Variants in ZNF823 observed in about 807,000 individuals in gnomAD.
ZNF823 encodes the protein ZFP 36 for a zinc finger protein.
ZNF823 carries 5 observed loss-of-function variants against 11.4 expected under a neutral mutation model. That is an observed-to-expected ratio of 0.44 (90% CI 0.23 to 0.92). ZNF823 has a LOEUF of 0.92. Among genes scored for constraint, ZNF823 ranks in the 40% least tolerant of loss-of-function variants. The probability of loss-of-function intolerance (pLI) is 0.24; values close to 1 mark genes in which losing one functional copy is unlikely to be tolerated. For synonymous variants in ZNF823, 234 were observed against 250.5 expected (o/e 0.93, Z 0.62); for missense variants, 582 against 738.5 (o/e 0.79, Z 2.46).
chr19:11,729,179 AAAAAAAAAACAACAAAT>A (rs1297361222), intron 1 of ZNF823, among the ~76,000 whole-genome samples: 1 of 151,990 alleles, frequency 6.6e-6, no homozygotes, highest in Admixed American at 6.6e-5. Flanking sequence ...TGTCTCAAAA[AAAAAAAAAACAACAAAT>A]AAAACAAGGC....
chr19:11,734,829 C>T (rs900492620), intron 1 of ZNF823, among the ~76,000 whole-genome samples: 3 of 152,080 alleles, frequency 2.0e-5, no homozygotes, highest in Non-Finnish European at 2.9e-5. Context: ...GTGAGCCATG[C>T]GCCCATCCAC....
Position 11,722,285 on chromosome 19 carries a change from G to C in ZNF823, c.1249C>G (p.Gln417Glu), listed in dbSNP as rs368892172. The C allele has an allele frequency of 1.2e-6, 2 of 1,612,712 alleles. No individual in the cohort carries two copies. Among genetic ancestry groups the C allele is most frequent in the South Asian group, 1.1e-5 (1 of 90,970 alleles). Residue 417 changes from glutamine to glutamate, a missense_variant, in exon 4 of 4, where the codon CAA (glutamine) becomes GAA (glutamate). Coordinates refer to ENST00000341191, the MANE Select transcript of ZNF823 (RefSeq NM_001080493.4). This position sits in a 1 kb window ranked among gnomAD's most constrained non-coding sequence, Gnocchi z 5.2. ...AAGGCTTTACCACATTGTTTACATTGATAGGGTTTCTCTCCAGTGTGAGTC... is the reference window on the plus strand; with the variant it reads ...AAGGCTTTACCACATTGTTTACATTCATAGGGTTTCTCTCCAGTGTGAGTC... ...ERTHTGEKPY[Q>E]CKQCGKAFSL... is the part of the protein sequence containing the mutation.
intron 1 of ZNF823, among the ~76,000 whole-genome samples, chr19:11,726,641 C>T (rs192376872): frequency 6.6e-6 from 1 of 152,282 alleles, no homozygotes; most frequent in East Asian, 1.9e-4. Context: ...CACCTAGGGA[C>T]TCTGCAGAGT....
At chr19:11,723,772 C>T (rs548711204) in intron 3 of ZNF823, among the ~76,000 whole-genome samples, 4 of 152,198 alleles carry the variant, frequency 2.6e-5, no homozygotes, top group Admixed American at 1.3e-4. Flanking sequence ...CTTGAACTCC[C>T]GACCTCAGGT....
At chr19:11,738,684 G>T in intron 1 of ZNF823, 133 bp downstream of exon 1, 2 of 1,233,754 alleles carry the variant, frequency 1.6e-6, no homozygotes, top group Non-Finnish European at 2.2e-6. Context: ...CAAGGGCAGA[G>T]CTGCGCCAGG....
At chr19:11,726,595 T>C (rs1974797094) in intron 1 of ZNF823, among the ~76,000 whole-genome samples, 1 of 152,018 alleles carries the variant, frequency 6.6e-6, no homozygotes. Context: ...GAGACCTGAA[T>C]TAACACTGGG....
At chr19:11,724,280 C>A (rs369736840) in intron 2 of ZNF823, 26 bp from the exon 3 acceptor site, 19 of 1,579,066 alleles carry the variant, frequency 1.2e-5, no homozygotes, top group Non-Finnish European at 1.5e-5. Flanking sequence ...AGGAAAATCA[C>A]TAAAAATGTT....
rs558096927 is a variant in ZNF823 at position 11,736,455 on chromosome 19, G to C, written c.3+2362C>G. Among the ~76,000 whole-genome samples the C allele has an allele frequency of 5.9e-5, 9 of 152,254 alleles. No individual in the cohort carries two copies. The East Asian group carries it at 1.7e-3, about 29-fold the overall frequency. On this transcript the variant is annotated intron_variant, in intron 1 of 3. Transcript: ENST00000341191. ...GATTGCTTGAACCCAGGAGGTTGAG[G>C]CTGCAGTGAGCCAAGATCCCACCAC...
chr19:11,723,333 T>A lies in ZNF823; in HGVS notation c.201A>T (p.Thr67=), dbSNP rs1427807421. ...QNAKRNLRSH[T]CEIKDDSQCG... is the part of the protein sequence containing the mutation. ...ATTGACTGTCATCTTTAATTTCACA[T>A]GTATGACTTCTGTAACAAATAAGAA... The change falls in exon 4 of 4, where the codon ACA becomes ACT. Residue 67 remains threonine (T), a synonymous_variant. Transcript: ENST00000341191. 6.2e-7 allele frequency: 1 copy of A among 1,605,004 alleles called. No homozygotes were observed. Among genetic ancestry groups the A allele is most frequent in the South Asian group, 1.1e-5 (1 of 89,866 alleles).
Position 11,721,597 on chromosome 19 carries a change from T to G in ZNF823, c.*104A>C. ...CTGTATTTAAAAAAATTGAAACTAC[T>G]TAAGGCTTTATCCCATGTTTACATT... On this transcript the variant is annotated 3_prime_UTR_variant, in exon 4 of 4. Coordinates refer to ENST00000341191, the MANE Select transcript of ZNF823 (RefSeq NM_001080493.4). 2.5e-6 allele frequency: 3 copies of G among 1,202,680 alleles called. No individual in the cohort carries two copies. Among genetic ancestry groups the G allele is most frequent in the Non-Finnish European group, 3.5e-6 (3 of 868,452 alleles). 74.5% of individuals were successfully genotyped at this position (1,202,680 alleles called of 1,614,324 possible). A position where few individuals can be genotyped will look rare whatever the true frequency, so the allele number is the denominator to read the frequency against.
intron 2 of ZNF823, 136 bp from the exon 3 acceptor site, chr19:11,724,390 C>G: frequency 1.4e-6 from 1 of 714,342 alleles, no homozygotes; most frequent in Non-Finnish European, 2.2e-6. Flanking sequence ...CAGGTTTGAA[C>G]TGCACAGCTC....
At position 11,722,042 on chromosome 19, in the gene ZNF823, G is replaced by T; in HGVS notation, c.1492C>A (p.Pro498Thr). The T allele has an allele frequency of 6.2e-7, 1 of 1,613,288 alleles. No homozygotes were observed. The highest frequency in any genetic ancestry group is 1.3e-5 in the African/African-American group (1 of 74,828). Reference sequence around the variant, plus strand: ...TTTCTACATGTTTTACACTCATAAGGTTTTTCTACTGTGTGGGTCCTTTTA... The same window carrying T: ...TTTCTACATGTTTTACACTCATAAGTTTTTTCTACTGTGTGGGTCCTTTTA... ...QHKRTHTVEK[P>T]YECKTCRKAF... is the part of the protein sequence containing the mutation. Residue 498 changes from proline (P) to threonine (T), a missense_variant, in exon 4 of 4, where the codon CCT (proline) becomes ACT (threonine). Physicochemically the swap from Pro to Thr is conservative, Grantham distance 38. This residue lies in a region of ZNF823 where 144 missense variants were observed against 154.3 expected (regional missense o/e 0.93). Coordinates refer to ENST00000341191, the MANE Select transcript of ZNF823 (RefSeq NM_001080493.4). This position sits in a 1 kb window ranked among gnomAD's most constrained non-coding sequence, Gnocchi z 5.2.
At chr19:11,738,614 CG>C (rs929234413) in intron 1 of ZNF823, among the ~76,000 whole-genome samples, 1 of 152,240 alleles carries the variant, frequency 6.6e-6, no homozygotes, top group Non-Finnish European at 1.5e-5. Context: ...CGAGCAGGGA[CG>C]GGACAGGACG....
chr19:11,730,642 A>G (rs1333491847), intron 1 of ZNF823: 2 of 152,310 alleles, frequency 1.3e-5, no homozygotes, highest in East Asian at 3.9e-4. Flanking sequence ...AAGGCCATAC[A>G]GAAAAAATGC....
intron 2 of ZNF823, among the ~76,000 whole-genome samples, chr19:11,724,725 A>AT (rs570280114): frequency 9.3e-5 from 14 of 151,060 alleles, no homozygotes; most frequent in African/African-American, 2.9e-4. Flanking sequence ...CGCCCGGCTA[A>AT]TTTTTTTTGT....
intron 1 of ZNF823, among the ~76,000 whole-genome samples, chr19:11,732,929 C>T (rs1396539887): frequency 2.6e-5 from 4 of 152,202 alleles, no homozygotes; most frequent in Non-Finnish European, 5.9e-5. Flanking sequence ...AGTCCCCATC[C>T]TCAAGTTAGT....
intron 1 of ZNF823, among the ~76,000 whole-genome samples, chr19:11,738,152 G>A (rs577474754): frequency 1.2e-4 from 18 of 152,286 alleles, no homozygotes; most frequent in South Asian, 2.1e-4. Flanking sequence ...CACAGCAGAC[G>A]CTGACCGCCG....
chr19:11,725,796 T>C (rs1204104699), intron 1 of ZNF823, among the ~76,000 whole-genome samples: 1 of 152,034 alleles, frequency 6.6e-6, no homozygotes, highest in African/African-American at 2.4e-5. Context: ...GCCTAAACTG[T>C]TTATGCAAAA....
chr19:11,723,352 A>G lies in ZNF823; in HGVS notation c.192-10T>C, dbSNP rs773723489. On this transcript the variant is annotated splice_polypyrimidine_tract_variant and intron_variant, in intron 3 of 3. Coordinates refer to ENST00000341191, the MANE Select transcript of ZNF823 (RefSeq NM_001080493.4). ...TTCACATGTATGACTTCTGTAACAA[A>G]TAAGAAATATATTACTAAAGGTTTG... is the stretch of plus-strand genomic sequence containing the variant. The G allele has an allele frequency of 8.9e-6, 14 of 1,568,800 alleles. No individual in the cohort carries two copies. Among genetic ancestry groups the G allele is most frequent in the Middle Eastern group, 1.7e-4 (1 of 5,944 alleles).
Sources: gnomAD v4.1 joint callset for allele counts (sites outside exome capture counted in the v4.1 genomes callset) on GRCh38, gnomAD v4.1.1 for gene constraint, gnomAD v4.1.1 regional missense constraint, Gnocchi (gnomAD v3.1) non-coding constraint, MANE v1.5 for transcripts, NCBI Gene and HGNC (gene_info 2026-07-23, HGNC 2026-07-21) for gene names.